Variants in MXRA5 observed in about 807,000 individuals in gnomAD.
MXRA5 encodes the protein matrix remodeling associated 5.
A neutral mutation model predicts 112.5 loss-of-function variants in MXRA5; 41 were observed. The ratio of observed to expected loss-of-function variants is 0.36; its 90% confidence interval spans 0.28 to 0.47. MXRA5 has a LOEUF of 0.47. Among genes scored for constraint, MXRA5 ranks in the 20% least tolerant of loss-of-function variants. The pLI, the probability that MXRA5 is intolerant of heterozygous loss-of-function variation, is 0.99. For missense variants in MXRA5, 2,150 were observed against 2,251.0 expected, an observed-to-expected ratio of 0.96 and a Z score of 0.91; for synonymous variants, 862 against 900.8, an observed-to-expected ratio of 0.96 and a Z score of 0.77.
chrX:3,326,697 T>C (rs1270932186), intron 4 of MXRA5, among the ~76,000 whole-genome samples: 6 of 110,276 alleles, frequency 5.4e-5, no homozygotes, highest in South Asian at 7.9e-4. Flanking sequence ...ATTTTCTCCG[T>C]CCTTTCTGGC....
rs752610247 is a variant in MXRA5 at position 3,341,882 on chromosome X, A to T, written c.188+1764T>A. Among the ~76,000 whole-genome samples, 167 of 105,133 alleles carry T rather than the reference A, an allele frequency of 1.6e-3. 1 individual carries two copies. The highest frequency in any genetic ancestry group is 5.5e-3 in the African/African-American group (161 of 29,064). 91.3% of individuals were successfully genotyped at this position (105,133 alleles called of 115,157 possible). ...TGTATAAAAAACAATTCCTAGACAG[A>T]GCCATTTTGCACACCAAGGGTGGAG... On this transcript the variant is annotated intron_variant, in intron 2 of 6. Coordinates refer to ENST00000217939, the MANE Select transcript of MXRA5 (RefSeq NM_015419.4).
At position 3,322,233 on chromosome X, in the gene MXRA5, G is replaced by T. The variant is rs750275062; in HGVS notation, c.3452C>A (p.Pro1151His). The change falls in exon 5 of 7, where the codon CCC becomes CAC. Residue 1151 changes from proline (P) to histidine (H), a missense_variant. Pro to His is a moderately conservative substitution (Grantham distance 77). This residue lies in a region of MXRA5 where 1,485 missense variants were observed against 1,471.6 expected (regional missense o/e 1.01). Coordinates refer to ENST00000217939, the MANE Select transcript of MXRA5 (RefSeq NM_015419.4). ...TMSTHPSRRR[P>H]NGRRRLRPNK... ...GGGGCGTAATCTCCTTCTCCCGTTGGGTCTCCTTCGAGAAGGGTGAGTGCT... is the reference window on the plus strand; with the variant it reads ...GGGGCGTAATCTCCTTCTCCCGTTGTGTCTCCTTCGAGAAGGGTGAGTGCT... 2.9e-5 allele frequency: 34 copies of T among 1,192,322 alleles called. No homozygotes were observed. In the South Asian group the frequency reaches 5.8e-4, roughly 20 times the overall value.
At chrX:3,332,250 CT>C (rs749412827) in intron 2 of MXRA5, among the ~76,000 whole-genome samples, 2,131 of 105,340 alleles carry the variant, frequency 0.02, 79 homozygotes, top group African/African-American at 0.066. Context: ...CATTCTTCTT[CT>C]TTTTTTTTTT....
rs1920965814 is a variant in MXRA5, at chrX:3,309,532, T to A, written c.*184A>T. 9.0e-6 allele frequency: 4 copies of A among 442,160 alleles called. No homozygotes were observed. The East Asian group carries it at 1.1e-4, about 12-fold the overall frequency. 36.4% of individuals were successfully genotyped at this position (442,160 alleles called of 1,213,427 possible). A position where few individuals can be genotyped will look rare whatever the true frequency, so the allele number is the denominator to read the frequency against. On this transcript the variant is annotated 3_prime_UTR_variant, in exon 7 of 7. Transcript: ENST00000217939. ...TGTCTCAGCAAGGCTGAGCCCTCCTTCTCGTGTCTGCATTGCTTCCTTTTC... is the reference window on the plus strand; with the variant it reads ...TGTCTCAGCAAGGCTGAGCCCTCCTACTCGTGTCTGCATTGCTTCCTTTTC...
Position 3,311,138 on chromosome X carries a change from C to T in MXRA5, c.7065G>A (p.Ala2355=), listed in dbSNP as rs146631797. The T allele has an allele frequency of 5.5e-3, 6,697 of 1,209,665 alleles. 21 individuals are homozygous for T. The highest frequency in any genetic ancestry group is 6.8e-3 in the Non-Finnish European group (6,120 of 895,166). ...PATIRNKTYL[A]VQVPYGDVVT... ...CCACGTCTCCATAGGGCACCTGAAC[C>T]GCCAAGTAAGTCTTGTTCCGGATGG... Residue 2355 remains alanine, a synonymous_variant, in exon 7 of 7, where the codon GCG becomes GCA. Coordinates refer to ENST00000217939, the MANE Select transcript of MXRA5 (RefSeq NM_015419.4).
intron 2 of MXRA5, among the ~76,000 whole-genome samples, chrX:3,342,912 A>G (rs1042781917): frequency 1.5e-4 from 17 of 112,625 alleles, no homozygotes; most frequent in African/African-American, 4.8e-4. Context: ...AAACATCTCC[A>G]TGGTGGATAT....
chrX:3,345,628 T>C (rs1922089381), intron 1 of MXRA5, among the ~76,000 whole-genome samples: 1 of 112,750 alleles, frequency 8.9e-6, no homozygotes, highest in African/African-American at 3.2e-5. Flanking sequence ...GTCGGGTCTC[T>C]CCGCCGCGGA....
At position 3,309,445 on chromosome X, in the gene MXRA5, T is replaced by C; in HGVS notation, c.*271A>G. ...AGTGGCATTTGCAAAAAAAGAAAAA[T>C]TGCAGTCAGAGCACAGACACCCTGA... On this transcript the variant is annotated 3_prime_UTR_variant, in exon 7 of 7. Coordinates refer to ENST00000217939, the MANE Select transcript of MXRA5 (RefSeq NM_015419.4). The C allele has an allele frequency of 2.9e-6, 1 of 342,701 alleles. No homozygotes were observed. The allele number at this position is 342,701 out of a possible 1,213,427, so 28.2% of individuals were successfully genotyped here.
intron 1 of MXRA5, among the ~76,000 whole-genome samples, chrX:3,344,949 C>T (rs1237668580): frequency 1.9e-5 from 2 of 104,785 alleles, no homozygotes; most frequent in African/African-American, 7.1e-5. Flanking sequence ...CCCGTCTCTA[C>T]TAAAAATACA....
intron 2 of MXRA5, among the ~76,000 whole-genome samples, 171 bp from the exon 3 acceptor site, chrX:3,330,944 C>A (rs1209697254): frequency 9.0e-6 from 1 of 111,370 alleles, no homozygotes; most frequent in Non-Finnish European, 1.9e-5. Flanking sequence ...ACTCCGTCAC[C>A]CAGGCTGGAG....
At chrX:3,339,327 C>T (rs1921862612) in intron 2 of MXRA5, among the ~76,000 whole-genome samples, 1 of 110,203 alleles carries the variant, frequency 9.1e-6, no homozygotes, top group African/African-American at 3.3e-5. Context: ...TGCAGTGGCG[C>T]GATCTTGGCT....
chrX:3,324,769 G>C lies in MXRA5; in HGVS notation c.916C>G (p.Leu306Val). The C allele has an allele frequency of 8.3e-7, 1 of 1,209,660 alleles. No homozygotes were observed. Reference protein sequence around the residue: ...QEQEEDGGSQLILEKFQLPQW... With the variant: ...QEQEEDGGSQVILEKFQLPQW... ...GGCAGTTGGAATTTCTCCAGGATGA[G>C]CTGGCTGCCACCATCCTCTTCCTGT... The change falls in exon 5 of 7, where the codon CTC (leucine) becomes GTC (valine). Residue 306 changes from leucine to valine, a missense_variant. Coordinates refer to ENST00000217939, the MANE Select transcript of MXRA5 (RefSeq NM_015419.4).
rs145998642 is a variant in MXRA5, at chrX:3,321,982, C to T, written c.3703G>A (p.Gly1235Arg). The T allele has an allele frequency of 6.1e-4, 736 of 1,209,434 alleles. 1 individual carries two copies. Among genetic ancestry groups the T allele is most frequent in the Non-Finnish European group, 7.7e-4 (693 of 895,141 alleles). Residue 1235 changes from glycine to arginine, a missense_variant, in exon 5 of 7, where the codon GGG becomes AGG. This residue lies in a region of MXRA5 where 1,485 missense variants were observed against 1,471.6 expected (regional missense o/e 1.01). Coordinates refer to ENST00000217939, the MANE Select transcript of MXRA5 (RefSeq NM_015419.4). ...TATCGATGTTTGTTTGGCCTCTTCC[C>T]GTGTTTTCTCCGTGGTGTTCCCTTG... ...TSKGTPRRKH[G>R]KRPNKHRYTP...
Position 3,324,354 on chromosome X carries a change from C to G in MXRA5, c.1331G>C (p.Arg444Pro), listed in dbSNP as rs12841207. The change falls in exon 5 of 7, where the codon CGT (arginine) becomes CCT (proline). Residue 444 changes from arginine (R) to proline (P), a missense_variant. Physicochemically the swap from Arg to Pro is moderately radical, Grantham distance 103 (BLOSUM62 -2). This residue lies in a region of MXRA5 where 386 missense variants were observed against 411.0 expected (regional missense o/e 0.94). Transcript: ENST00000217939. ...TAGCACCTTCTTGGCCGTACTCTGA[C>G]GTCGGTTCAGCTGGATATCTATGGA... ...QPSIDIQLNR[R>P]QSTAKKVLLS... The G allele has an allele frequency of 4.1e-6, 5 of 1,211,365 alleles. No individual in the cohort carries two copies. The highest frequency in any genetic ancestry group is 2.2e-6 in the Non-Finnish European group (2 of 895,486).
intron 1 of MXRA5, among the ~76,000 whole-genome samples, chrX:3,344,513 C>A (rs773208641): frequency 4.5e-5 from 5 of 111,047 alleles, no homozygotes; most frequent in Non-Finnish European, 7.5e-5. Flanking sequence ...TTGGGGGAAC[C>A]TCTGATCATT....
chrX:3,338,946 ATAGATAGATAGT>A (rs71689740), intron 2 of MXRA5, among the ~76,000 whole-genome samples: 6,943 of 88,625 alleles, frequency 0.078, 428 homozygotes, highest in African/African-American at 0.24. Flanking sequence ...ACTATAGATA[ATAGATAGATAGT>A]TAGATAGATA....
chrX:3,341,426 TGTAA>T (rs1320326436), intron 2 of MXRA5, among the ~76,000 whole-genome samples: 37 of 16,603 alleles, frequency 2.2e-3, no homozygotes, highest in African/African-American at 0.013. Flanking sequence ...ATATAATATA[TGTAA>T]TATATATTAT....
In MXRA5 at chrX:3,343,703, C is replaced by A. The variant is rs756807415; in HGVS notation, c.131G>T (p.Arg44Leu). The change falls in exon 2 of 7, where the codon CGA becomes CTA. Residue 44 changes from arginine to leucine, a missense_variant. Coordinates refer to ENST00000217939, the MANE Select transcript of MXRA5 (RefSeq NM_015419.4). ...GCCAGCGGGCACGGAAGCCAGGGAT[C>A]GGAACGTGCAGTGGACCTCGCTGGG... ...YVPSEVHCTF[R>L]SLASVPAGIA... 10 of 1,210,101 alleles carry A rather than the reference C, an allele frequency of 8.3e-6. No homozygotes were observed. The highest frequency in any genetic ancestry group is 1.8e-5 in the South Asian group (1 of 56,781).
intron 2 of MXRA5, among the ~76,000 whole-genome samples, chrX:3,338,049 G>T (rs1290625546): frequency 9.0e-6 from 1 of 111,452 alleles, no homozygotes; most frequent in Non-Finnish European, 1.9e-5. Context: ...CATGATGCAC[G>T]TTCAGGGGAG....
Sources: gnomAD v4.1 joint callset for allele counts (sites outside exome capture counted in the v4.1 genomes callset) on GRCh38, gnomAD v4.1.1 for gene constraint, gnomAD v4.1.1 regional missense constraint, MANE v1.5 for transcripts, NCBI Gene and HGNC (gene_info 2026-07-23, HGNC 2026-07-21) for gene names.